Variants in FAM53B observed in about 807,000 individuals in gnomAD.
The protein encoded by FAM53B is protein FAM53B.
FAM53B carries 12 observed loss-of-function variants against 32.7 expected under a neutral mutation model. The observed-to-expected ratio is 0.37, with a 90% CI of 0.24 to 0.59. FAM53B has a LOEUF of 0.59. Ranked by LOEUF, FAM53B falls within the 20% of genes least tolerant of loss-of-function variation. The pLI is 0.72. For synonymous variants in FAM53B, 234 were observed against 228.7 expected, an observed-to-expected ratio of 1.02 and a Z score of -0.21; for missense variants, 477 against 577.7, an observed-to-expected ratio of 0.83 and a Z score of 1.79.
intron 4 of FAM53B, among the ~76,000 whole-genome samples, chr10:124,627,845 A>C (rs926562640): frequency 3.3e-5 from 5 of 152,000 alleles, no homozygotes; most frequent in African/African-American, 1.2e-4. Context: ...TGGAGCAATG[A>C]CCCCTCTTCT....
At position 124,637,725 on chromosome 10, in the gene FAM53B, G is replaced by A. The variant is rs75530723; in HGVS notation, c.907-14121C>T. Among the ~76,000 whole-genome samples, 310 of 152,292 alleles carry A rather than the reference G, an allele frequency of 2.0e-3. 3 individuals are homozygous for A. Among genetic ancestry groups the A allele is most frequent in the African/African-American group, 6.7e-3 (280 of 41,566 alleles). Reference sequence around the variant, plus strand: ...GGCCAATCTCACTCATACCCTCCCTGCCTACTCAGGCTCCCCTGGACACAT... The same window carrying A: ...GGCCAATCTCACTCATACCCTCCCTACCTACTCAGGCTCCCCTGGACACAT... On this transcript the variant is annotated intron_variant, in intron 4 of 4. Transcript: ENST00000337318.
chr10:124,631,154 G>T (rs1003183463), intron 4 of FAM53B, among the ~76,000 whole-genome samples: 2 of 152,190 alleles, frequency 1.3e-5, no homozygotes, highest in African/African-American at 4.8e-5. Context: ...TCCCCGCTCT[G>T]GTGGCTCTCT....
intron 1 of FAM53B, among the ~76,000 whole-genome samples, chr10:124,711,020 C>T (rs1440897835): frequency 6.6e-6 from 1 of 152,196 alleles, no homozygotes; most frequent in Admixed American, 6.5e-5. Context: ...ATGTTTGTAA[C>T]AGCCCTTTAT....
chr10:124,729,394 T>TG (rs1453991550), intron 1 of FAM53B, among the ~76,000 whole-genome samples: 1 of 152,178 alleles, frequency 6.6e-6, no homozygotes, highest in Non-Finnish European at 1.5e-5. Context: ...TTAAAGCATG[T>TG]GGGGAAAAAA....
intron 1 of FAM53B, among the ~76,000 whole-genome samples, chr10:124,738,520 C>A (rs2134106110): frequency 6.6e-6 from 1 of 152,094 alleles, no homozygotes; most frequent in South Asian, 2.1e-4. Flanking sequence ...GCCAGGCAGG[C>A]CTTGCTAGAG....
chr10:124,726,295 T>A (rs570150520), intron 1 of FAM53B, among the ~76,000 whole-genome samples: 2 of 152,180 alleles, frequency 1.3e-5, no homozygotes, highest in Admixed American at 6.5e-5. Flanking sequence ...ACCCCCAGCA[T>A]GTCCTCTGGC....
chr10:124,642,886 A>G (rs2134045667), intron 4 of FAM53B, among the ~76,000 whole-genome samples: 1 of 152,330 alleles, frequency 6.6e-6, no homozygotes, highest in East Asian at 1.9e-4. Context: ...TTTCCGCATT[A>G]CATGCACTCC....
At chr10:124,636,749 G>A (rs1261783670) in intron 4 of FAM53B, among the ~76,000 whole-genome samples, 1 of 152,016 alleles carries the variant, frequency 6.6e-6, no homozygotes, top group East Asian at 1.9e-4. Context: ...GTGGGGAATG[G>A]CCTCTCATGT....
intron 1 of FAM53B, among the ~76,000 whole-genome samples, chr10:124,729,628 G>A (rs116469673): frequency 4.2e-4 from 64 of 152,312 alleles, no homozygotes; most frequent in African/African-American, 1.5e-3. Context: ...GTGAAGATTT[G>A]TGCAGACTGT....
intron 4 of FAM53B, among the ~76,000 whole-genome samples, chr10:124,657,627 T>G (rs1237700533): frequency 1.3e-5 from 2 of 152,212 alleles, no homozygotes; most frequent in African/African-American, 4.8e-5. Flanking sequence ...TTTTAACCAG[T>G]AGAAACAGTA....
intron 4 of FAM53B, among the ~76,000 whole-genome samples, chr10:124,668,965 T>C (rs535599324): frequency 2.0e-5 from 3 of 152,326 alleles, no homozygotes; most frequent in African/African-American, 7.2e-5. Flanking sequence ...GTGGAGGGCA[T>C]CCGGTGCTGC....
chr10:124,623,058 G>A lies in FAM53B; in HGVS notation c.*184C>T, dbSNP rs1469287813. On this transcript the variant is annotated 3_prime_UTR_variant, in exon 5 of 5. Coordinates refer to ENST00000337318, the MANE Select transcript of FAM53B (RefSeq NM_014661.4). The stretch of plus-strand genomic sequence containing the variant: ...CCGGTGAGAGGCTGACACACCCGCT[G>A]TATGACGCGGCCAGGCCAGGCTCTC... 2 of 738,582 alleles carry A rather than the reference G, an allele frequency of 2.7e-6. No individual in the cohort carries two copies. The highest frequency in any genetic ancestry group is 4.3e-6 in the Non-Finnish European group (2 of 467,480). The allele number at this position is 738,582 out of a possible 1,614,324, so 45.8% of individuals were successfully genotyped here. A position where few individuals can be genotyped will look rare whatever the true frequency, so the allele number is the denominator to read the frequency against.
At chr10:124,738,879 T>C (rs1950185495) in intron 1 of FAM53B, among the ~76,000 whole-genome samples, 1 of 152,128 alleles carries the variant, frequency 6.6e-6, no homozygotes, top group Non-Finnish European at 1.5e-5. Flanking sequence ...GTGTTTCCAG[T>C]GGGCTGCCAG....
At chr10:124,650,562 C>T (rs999968902) in intron 4 of FAM53B, among the ~76,000 whole-genome samples, 1 of 152,204 alleles carries the variant, frequency 6.6e-6, no homozygotes, top group African/African-American at 2.4e-5. Context: ...GCAAGTTATT[C>T]TTCTCATCTC....
intron 4 of FAM53B, chr10:124,671,222 G>A (rs188652581): frequency 6.9e-5 from 31 of 452,026 alleles, no homozygotes; most frequent in African/African-American, 5.6e-4. Flanking sequence ...AACATTCACA[G>A]AACCAATTTC....
chr10:124,652,886 A>G (rs1174467818), intron 4 of FAM53B, among the ~76,000 whole-genome samples: 6 of 152,178 alleles, frequency 3.9e-5, no homozygotes, highest in South Asian at 2.1e-4. Flanking sequence ...TTGCCTCTCC[A>G]GCCCACACAG....
At position 124,646,793 on chromosome 10, in the gene FAM53B, A is replaced by G. The variant is rs76547951; in HGVS notation, c.907-23189T>C. 3.7e-4 allele frequency among the ~76,000 whole-genome samples: 56 copies of G among 152,384 alleles called. 1 individual carries two copies. The East Asian group carries it at 0.011, about 29-fold the overall frequency. ...ATTACTTTAAGGGGAGGCTGGAAGC[A>G]GCCATGATGGATGCCAGGGAGTCTG... On this transcript the variant is annotated intron_variant, in intron 4 of 4. Coordinates refer to ENST00000337318, the MANE Select transcript of FAM53B (RefSeq NM_014661.4).
At chr10:124,681,162 C>A (rs886691761) in intron 4 of FAM53B, among the ~76,000 whole-genome samples, 3 of 152,206 alleles carry the variant, frequency 2.0e-5, no homozygotes, top group African/African-American at 7.2e-5. Context: ...CAATCGCTAG[C>A]TCTTGGAAAC....
chr10:124,681,026 C>T (rs973858344), intron 4 of FAM53B, among the ~76,000 whole-genome samples: 3 of 152,206 alleles, frequency 2.0e-5, no homozygotes, highest in African/African-American at 4.8e-5. Flanking sequence ...GTGACAGGGG[C>T]GTGTGGCCAG....
Sources: allele counts gnomAD v4.1 joint callset (sites outside exome capture counted in the v4.1 genomes callset), GRCh38; gene constraint gnomAD v4.1.1; transcripts MANE v1.5; gene names NCBI Gene and HGNC (gene_info 2026-07-23, HGNC 2026-07-21).